The following DYDC1 variants were observed in gnomAD, a reference collection of about 807,000 sequenced individuals.
DYDC1 encodes the protein DPY30 domain-containing protein 1.
DYDC1 carries 21 observed loss-of-function variants against 27.9 expected under a neutral mutation model. The ratio of observed to expected loss-of-function variants is 0.75; its 90% CI spans 0.53 to 1.08. The LOEUF (loss-of-function observed/expected upper bound fraction) is 1.08, where lower values mean the gene tolerates loss of function less well. Ranked by LOEUF, DYDC1 falls within the 50% of genes least tolerant of loss-of-function variation. The pLI, the probability that DYDC1 is intolerant of heterozygous loss-of-function variation, is 0.00. For synonymous variants in DYDC1, 67 were observed against 65.8 expected, an observed-to-expected ratio of 1.02 and a Z score of -0.09; for missense variants, 202 against 205.9, an observed-to-expected ratio of 0.98 and a Z score of 0.12.
chr10:80,352,430 T>G, intron 2 of DYDC1, 25 bp downstream of exon 2: 1 of 1,538,210 alleles, frequency 6.5e-7, no homozygotes, highest in Non-Finnish European at 8.7e-7. Context: ...TTCTTCTAAT[T>G]TCCTAGAAGG....
intron 6 of DYDC1, chr10:80,337,447 T>C (rs1027165170): frequency 2.6e-5 from 26 of 985,206 alleles, no homozygotes; most frequent in Non-Finnish European, 3.0e-5. Flanking sequence ...TCCCCTAGAT[T>C]ACTACCTCCT....
chr10:80,347,276 CTTTTTTTTTTTT>C (rs556362145), intron 3 of DYDC1, among the ~76,000 whole-genome samples: 2,721 of 90,120 alleles, frequency 0.03, 87 homozygotes, highest in Middle Eastern at 0.044. Flanking sequence ...AATTGGGATC[CTTTTTTTTTTTT>C]TTTTTTTTTT....
At chr10:80,351,374 C>A (rs1331231642) in intron 3 of DYDC1, among the ~76,000 whole-genome samples, 1 of 151,284 alleles carries the variant, frequency 6.6e-6, no homozygotes, top group East Asian at 1.9e-4. Flanking sequence ...CCCACTCACT[C>A]CTCCACTACT....
chr10:80,351,201 G>A (rs1189422690), intron 3 of DYDC1, among the ~76,000 whole-genome samples: 3 of 152,114 alleles, frequency 2.0e-5, no homozygotes, highest in African/African-American at 7.2e-5. Flanking sequence ...GACAGAAACA[G>A]TTGTACGCAG....
chr10:80,352,397 CA>C (rs1833941373), intron 2 of DYDC1, 57 bp downstream of exon 2: 1 of 1,463,274 alleles, frequency 6.8e-7, no homozygotes, highest in South Asian at 1.5e-5. Flanking sequence ...TTTTTAAAAG[CA>C]GACAAGTTGG....
chr10:80,341,894 C>T (rs781410469), intron 4 of DYDC1, among the ~76,000 whole-genome samples: 5 of 151,956 alleles, frequency 3.3e-5, no homozygotes, highest in Non-Finnish European at 7.4e-5. Context: ...CGTGGTGGTG[C>T]GTGCCTGTAA....
intron 1 of DYDC1, 74 bp from the exon 2 acceptor site, chr10:80,352,684 G>A: frequency 8.8e-6 from 13 of 1,485,428 alleles, no homozygotes; most frequent in Non-Finnish European, 8.9e-7. Flanking sequence ...GTCCAGTGAG[G>A]TGAACAAAGC....
rs142549812 is a variant in DYDC1, at chr10:80,338,970, A to G, written c.399+127T>C. On this transcript the variant is annotated intron_variant, in intron 5 of 6. Coordinates refer to ENST00000372202, the MANE Select transcript of DYDC1 (RefSeq NM_001269053.2). ...TTGTGACTTGTTATCACCGGAAAAT[A>G]TACATGGACTATCAGTTTTGATAAT... 782 of 528,254 alleles carry G rather than the reference A, an allele frequency of 1.5e-3. 3 individuals are homozygous for G. The highest frequency in any genetic ancestry group is 2.1e-3 in the Non-Finnish European group (637 of 305,342). The allele number at this position is 528,254 out of a possible 1,614,324, so 32.7% of individuals were successfully genotyped here. A position where few individuals can be genotyped will look rare whatever the true frequency, so the allele number is the denominator to read the frequency against.
intron 3 of DYDC1, 41 bp downstream of exon 3, chr10:80,351,860 C>G (rs755275570): frequency 1.3e-6 from 2 of 1,584,328 alleles, no homozygotes; most frequent in Non-Finnish European, 1.7e-6. Context: ...AGGTTGGCAT[C>G]GTTAATTCCA....
At chr10:80,336,841 C>T (rs1314407478) in intron 6 of DYDC1, among the ~76,000 whole-genome samples, 1 of 152,252 alleles carries the variant, frequency 6.6e-6, no homozygotes, top group Non-Finnish European at 1.5e-5. Context: ...TCTCTGCTGT[C>T]TAACCCTAGT....
At chr10:80,342,980 C>CAAAAAAAAAAAAAA (rs55665661) in intron 3 of DYDC1, among the ~76,000 whole-genome samples, 1 of 93,902 alleles carries the variant, frequency 1.1e-5, no homozygotes. Flanking sequence ...GACTCCCTCT[C>CAAAAAAAAAAAAAA]AAAAAAAAAA....
intron 3 of DYDC1, among the ~76,000 whole-genome samples, chr10:80,347,365 G>A (rs1225318474): frequency 6.7e-5 from 9 of 134,120 alleles, no homozygotes; most frequent in Non-Finnish European, 1.5e-5. Flanking sequence ...GACCTTATCA[G>A]ATATATGGTT....
chr10:80,346,756 G>A (rs1175450857), intron 3 of DYDC1, among the ~76,000 whole-genome samples: 3 of 151,752 alleles, frequency 2.0e-5, no homozygotes, highest in East Asian at 2.0e-4. Flanking sequence ...CACTGCCCCC[G>A]GCCATGTCTC....
chr10:80,342,980 C>CAAAAAAAAAA (rs55665661), intron 3 of DYDC1, among the ~76,000 whole-genome samples: 14 of 93,842 alleles, frequency 1.5e-4, no homozygotes, highest in South Asian at 8.1e-4. Context: ...GACTCCCTCT[C>CAAAAAAAAAA]AAAAAAAAAA....
chr10:80,351,827 A>C, intron 3 of DYDC1, 74 bp downstream of exon 3: 1 of 1,364,418 alleles, frequency 7.3e-7, no homozygotes, highest in Non-Finnish European at 1.0e-6. Context: ...GAAGTTTATC[A>C]ACATTTAGGC....
intron 3 of DYDC1, among the ~76,000 whole-genome samples, chr10:80,348,672 C>T (rs1842805482): frequency 6.6e-6 from 1 of 152,176 alleles, no homozygotes; most frequent in Non-Finnish European, 1.5e-5. Flanking sequence ...TAAGAAGCTT[C>T]CATCAACCTT....
chr10:80,343,127 T>C (rs1377975089), intron 3 of DYDC1, among the ~76,000 whole-genome samples: 1 of 152,138 alleles, frequency 6.6e-6, no homozygotes, highest in Non-Finnish European at 1.5e-5. Flanking sequence ...CCAACCCACC[T>C]CCTGTTTTTT....
chr10:80,356,555 T>C (rs946340398), intron 1 of DYDC1, 157 bp downstream of exon 1: 3 of 985,366 alleles, frequency 3.0e-6, no homozygotes, highest in African/African-American at 1.7e-5. Context: ...AGCTGGCCGC[T>C]TTCGGGAGCC....
intron 3 of DYDC1, among the ~76,000 whole-genome samples, chr10:80,347,283 T>C (rs1842717526): frequency 1.1e-4 from 4 of 36,322 alleles, no homozygotes; most frequent in Admixed American, 2.9e-4. Flanking sequence ...ATCCTTTTTT[T>C]TTTTTTTTTT....
Sources: allele counts gnomAD v4.1 joint callset (sites outside exome capture counted in the v4.1 genomes callset), GRCh38; gene constraint gnomAD v4.1.1; transcripts MANE v1.5; gene names NCBI Gene and HGNC (gene_info 2026-07-23, HGNC 2026-07-21).